The following PSD3 variants were observed in gnomAD, a reference collection of about 807,000 sequenced individuals.
PSD3 encodes PH and SEC7 domain-containing protein 3.
In PSD3, 49 loss-of-function variants were observed where a neutral mutation model predicts 105.5. That is an observed-to-expected ratio of 0.46 (90% CI 0.37 to 0.59). The LOEUF is 0.59. Ranked by LOEUF, PSD3 falls within the 20% of genes least tolerant of loss-of-function variation. The probability of loss-of-function intolerance (pLI) is 0.00; values close to 1 mark genes in which losing one functional copy is unlikely to be tolerated. For missense variants in PSD3, 1,561 were observed against 1,263.8 expected, an observed-to-expected ratio of 1.24 and a Z score of -3.57; for synonymous variants, 557 against 457.8, an observed-to-expected ratio of 1.22 and a Z score of -2.77.
intron 4 of PSD3, among the ~76,000 whole-genome samples, chr8:18,837,260 G>C (rs4921616): frequency 0.17 from 25,092 of 151,978 alleles, 2,334 homozygotes; most frequent in Admixed American, 0.29. Flanking sequence ...CCCAGCTCTG[G>C]GTCACTCTGT....
At chr8:18,961,627 G>T (rs967173393) in intron 1 of PSD3, among the ~76,000 whole-genome samples, 1 of 151,886 alleles carries the variant, frequency 6.6e-6, no homozygotes, top group African/African-American at 2.4e-5. Context: ...GGAGGCGGAG[G>T]TTGCAGCGAG....
chr8:18,753,186 C>G (rs1805747201), intron 9 of PSD3, among the ~76,000 whole-genome samples: 1 of 152,006 alleles, frequency 6.6e-6, no homozygotes, highest in Non-Finnish European at 1.5e-5. Context: ...GAAATCCCAT[C>G]TCTACTAAAC....
intron 11 of PSD3, among the ~76,000 whole-genome samples, chr8:18,618,824 G>A (rs967693657): frequency 7.9e-5 from 12 of 152,102 alleles, no homozygotes; most frequent in African/African-American, 2.9e-4. Context: ...GGGTCTAGGG[G>A]CGTATGCTAC....
intron 1 of PSD3, among the ~76,000 whole-genome samples, chr8:18,942,348 T>C (rs1003214560): frequency 6.6e-6 from 1 of 152,176 alleles, no homozygotes; most frequent in Non-Finnish European, 1.5e-5. Context: ...TGCTCAATCC[T>C]ATCTGCTCCC....
At chr8:18,830,030 C>T (rs976854289) in intron 4 of PSD3, among the ~76,000 whole-genome samples, 2 of 152,114 alleles carry the variant, frequency 1.3e-5, no homozygotes, top group Non-Finnish European at 2.9e-5. Context: ...CGCAGCGGTA[C>T]AATCTCAGCT....
At chr8:18,792,014 T>A (rs1367648454) in intron 8 of PSD3, among the ~76,000 whole-genome samples, 1 of 152,140 alleles carries the variant, frequency 6.6e-6, no homozygotes, top group East Asian at 1.9e-4. Context: ...CACAATGAGA[T>A]ACCATCTCAC....
intron 1 of PSD3, among the ~76,000 whole-genome samples, chr8:18,959,039 G>A (rs1343308871): frequency 6.6e-6 from 1 of 151,728 alleles, no homozygotes; most frequent in Non-Finnish European, 1.5e-5. Flanking sequence ...TTCTGCCTCA[G>A]CCTCCCAAGT....
At chr8:19,065,708 C>A (rs78779914) in intron 1 of PSD3, among the ~76,000 whole-genome samples, 13,455 of 152,270 alleles carry the variant, frequency 0.088, 756 homozygotes, top group Middle Eastern at 0.18. Context: ...TCTTCAGGAA[C>A]CTCCATGGGT....
At chr8:18,977,974 C>G (rs962605180) in intron 1 of PSD3, among the ~76,000 whole-genome samples, 1 of 152,122 alleles carries the variant, frequency 6.6e-6, no homozygotes, top group Non-Finnish European at 1.5e-5. Flanking sequence ...AACAAGTGAA[C>G]AATACATGAT....
At chr8:18,644,743 T>G (rs1247496228) in intron 10 of PSD3, among the ~76,000 whole-genome samples, 1 of 152,204 alleles carries the variant, frequency 6.6e-6, no homozygotes, top group East Asian at 1.9e-4. Context: ...CAAGGCCCCT[T>G]CCACATTTTC....
At position 18,867,856 on chromosome 8, in the gene PSD3, C is replaced by G. The variant is rs1455778421; in HGVS notation, c.1452G>C (p.Gln484His). The change falls in exon 4 of 16, where the codon CAG (glutamine) becomes CAC (histidine). Residue 484 changes from glutamine to histidine, a missense_variant. By Grantham distance (24) the Gln-to-His change is conservative. Coordinates refer to ENST00000327040, the MANE Select transcript of PSD3 (RefSeq NM_015310.4). Reference sequence around the variant, plus strand: ...AGAACTGACCACCTTCTTTAATGCGCTGTTGTATCATTGGAGTGAGGGGCA... The same window carrying G: ...AGAACTGACCACCTTCTTTAATGCGGTGTTGTATCATTGGAGTGAGGGGCA... Reference protein sequence around the residue: ...FEMPLTPMIQQRIKEGGQFLE... With the variant: ...FEMPLTPMIQHRIKEGGQFLE... The G allele has an allele frequency of 6.2e-7, 1 of 1,614,172 alleles. No homozygotes were observed. The highest frequency in any genetic ancestry group is 8.5e-7 in the Non-Finnish European group (1 of 1,180,032).
rs75432118 is a variant in PSD3, at chr8:19,049,393, T to A, written c.324+34813A>T. Among the ~76,000 whole-genome samples the A allele has an allele frequency of 8.1e-3, 1,234 of 152,174 alleles. 15 individuals carry two copies. The highest frequency in any genetic ancestry group is 0.028 in the African/African-American group (1,160 of 41,520). On this transcript the variant is annotated intron_variant, in intron 1 of 1. Transcript: ENST00000521475. The stretch of plus-strand genomic sequence containing the variant: ...GACCTTCATGTGCCTTTACAATCTA[T>A]GAGAAAGGATGATGTGCCAGGCACA...
chr8:18,758,207 G>A (rs1031290086), intron 9 of PSD3, among the ~76,000 whole-genome samples: 3 of 152,076 alleles, frequency 2.0e-5, no homozygotes, highest in East Asian at 1.9e-4. Flanking sequence ...TGTACTCAGC[G>A]ATAATCAGGA....
chr8:18,725,908 C>T (rs1803306616), intron 9 of PSD3, among the ~76,000 whole-genome samples: 2 of 152,166 alleles, frequency 1.3e-5, no homozygotes, highest in African/African-American at 4.8e-5. Context: ...CAAGCTGTAG[C>T]CAGGCAATGC....
chr8:18,630,842 T>A (rs1585439206), intron 11 of PSD3, among the ~76,000 whole-genome samples: 1 of 151,870 alleles, frequency 6.6e-6, no homozygotes, highest in East Asian at 1.9e-4. Flanking sequence ...GAATACAACA[T>A]AACAACTATT....
chr8:18,585,064 C>A (rs1336231771), intron 12 of PSD3, among the ~76,000 whole-genome samples: 2 of 152,084 alleles, frequency 1.3e-5, no homozygotes, highest in African/African-American at 4.8e-5. Flanking sequence ...TATGCCACAT[C>A]GCTAGCTCCA....
Position 18,560,562 on chromosome 8 carries a change from G to T in PSD3, c.2785-4210C>A, listed in dbSNP as rs569804646. The stretch of plus-strand genomic sequence containing the variant: ...TAGGAAGTGATAATTTTTAAAAAAT[G>T]AAATTGAAAATACTAGATACAAGAA... On this transcript the variant is annotated intron_variant, in intron 14 of 15. Coordinates refer to ENST00000327040, the MANE Select transcript of PSD3 (RefSeq NM_015310.4). Among the ~76,000 whole-genome samples the T allele has an allele frequency of 3.7e-4, 56 of 152,038 alleles. 1 individual carries two copies. Among genetic ancestry groups the T allele is most frequent in the African/African-American group, 1.3e-3 (54 of 41,466 alleles).
intron 8 of PSD3, among the ~76,000 whole-genome samples, chr8:18,795,915 CAAAG>C (rs889792654): frequency 2.0e-5 from 3 of 152,006 alleles, no homozygotes; most frequent in Non-Finnish European, 2.9e-5. Flanking sequence ...TCCAATATAG[CAAAG>C]AAAGAAACTC....
intron 9 of PSD3, among the ~76,000 whole-genome samples, chr8:18,740,480 G>A (rs1283348353): frequency 6.6e-6 from 1 of 152,030 alleles, no homozygotes; most frequent in Non-Finnish European, 1.5e-5. Flanking sequence ...GTTCTCTAAG[G>A]GCCCTTTTAG....
Sources: allele counts gnomAD v4.1 joint callset (sites outside exome capture counted in the v4.1 genomes callset), GRCh38; gene constraint gnomAD v4.1.1; transcripts MANE v1.5; gene names NCBI Gene and HGNC (gene_info 2026-07-23, HGNC 2026-07-21).